The following PPP1CB variants were observed in gnomAD, a reference collection of about 807,000 sequenced individuals.
PPP1CB encodes protein phosphatase 1 catalytic subunit beta.
In PPP1CB, 2 loss-of-function variants were observed where a neutral mutation model predicts 43.7. The ratio of observed to expected loss-of-function variants is 0.05; its 90% CI spans 0.02 to 0.14. PPP1CB has a LOEUF of 0.14. Ranked by LOEUF, PPP1CB falls within the 10% of genes least tolerant of loss-of-function variation. The pLI is 1.00. For synonymous variants in PPP1CB, 136 were observed against 135.6 expected (o/e 1.00, Z -0.02); for missense variants, 84 against 398.0 (o/e 0.21, Z 6.71).
intron 1 of PPP1CB, among the ~76,000 whole-genome samples, chr2:28,754,225 G>A (rs190038406): frequency 4.0e-5 from 6 of 151,592 alleles, no homozygotes; most frequent in Admixed American, 2.6e-4. Flanking sequence ...TAAACTTCAC[G>A]AGTGGGTTGT....
intron 4 of PPP1CB, chr2:28,782,561 G>A (rs1013590196): frequency 3.9e-5 from 6 of 152,330 alleles, no homozygotes; most frequent in African/African-American, 1.4e-4. Context: ...GGGTTTTAGA[G>A]GATAAATAGG....
At chr2:28,763,606 G>A (rs1483682209) in intron 1 of PPP1CB, among the ~76,000 whole-genome samples, 1 of 152,090 alleles carries the variant, frequency 6.6e-6, no homozygotes, top group Non-Finnish European at 1.5e-5. Context: ...AAAGCCATGG[G>A]CCTTCTCAGA....
chr2:28,765,365 T>A (rs1666758759), intron 1 of PPP1CB, among the ~76,000 whole-genome samples: 1 of 152,230 alleles, frequency 6.6e-6, no homozygotes, highest in Non-Finnish European at 1.5e-5. Flanking sequence ...ATTCATCACT[T>A]GGAAAGCATT....
intron 1 of PPP1CB, among the ~76,000 whole-genome samples, chr2:28,771,046 C>T (rs1052369227): frequency 3.1e-5 from 3 of 96,028 alleles, no homozygotes; most frequent in African/African-American, 1.1e-4. Context: ...CTGCTCCCCC[C>T]CCCCCACCCT....
chr2:28,762,300 A>G (rs970708001), intron 1 of PPP1CB, among the ~76,000 whole-genome samples: 47 of 146,116 alleles, frequency 3.2e-4, no homozygotes, highest in Admixed American at 3.0e-3. Context: ...AAATAAATAA[A>G]TATCTGTTCT....
At position 28,769,318 on chromosome 2, in the gene PPP1CB, C is replaced by T. The variant is rs191463358; in HGVS notation, c.53-7533C>T. On this transcript the variant is annotated intron_variant, in intron 1 of 7. Coordinates refer to ENST00000395366, the MANE Select transcript of PPP1CB (RefSeq NM_002709.3). ...ATGGCGTGATCTTGGCTAACTGCAA[C>T]CTCTGCCTCCCGGGTTCAAGCGATT... Among the ~76,000 whole-genome samples, 20 of 152,248 alleles carry T rather than the reference C, an allele frequency of 1.3e-4. No homozygotes were observed. The East Asian group carries it at 3.5e-3, about 26-fold the overall frequency.
intron 3 of PPP1CB, 34 bp from the exon 4 acceptor site, chr2:28,781,704 A>G: frequency 6.9e-7 from 1 of 1,453,194 alleles, no homozygotes. Context: ...ACAGTTTTAG[A>G]TTTTTTAATT....
chr2:28,772,206 G>A (rs1666929495), intron 1 of PPP1CB, among the ~76,000 whole-genome samples: 1 of 152,082 alleles, frequency 6.6e-6, no homozygotes, highest in African/African-American at 2.4e-5. Context: ...TGCTCAGGAG[G>A]CAGGAGAATC....
chr2:28,752,743 A>G (rs1219497781), intron 1 of PPP1CB, among the ~76,000 whole-genome samples: 2 of 152,360 alleles, frequency 1.3e-5, no homozygotes, highest in Admixed American at 1.3e-4. Context: ...AGAGGATAAA[A>G]TTAGCGGGAA....
chr2:28,786,581 G>A (rs1217112741), intron 5 of PPP1CB, among the ~76,000 whole-genome samples: 1 of 151,460 alleles, frequency 6.6e-6, no homozygotes, highest in Non-Finnish European at 1.5e-5. Flanking sequence ...TCTTGAGATC[G>A]AGACCATCCT....
At chr2:28,775,796 G>C (rs1244907510) in intron 1 of PPP1CB, among the ~76,000 whole-genome samples, 6 of 152,186 alleles carry the variant, frequency 3.9e-5, no homozygotes, top group Non-Finnish European at 7.3e-5. Context: ...GTTGAGTTCA[G>C]TGGGGCAAAT....
intron 3 of PPP1CB, among the ~76,000 whole-genome samples, chr2:28,780,168 A>G (rs1667128830): frequency 7.1e-6 from 1 of 141,458 alleles, no homozygotes; most frequent in South Asian, 2.2e-4. Context: ...AGCTCACTGC[A>G]ACCTCCGCCT....
rs571463665 is a variant in PPP1CB, at chr2:28,766,051, C to T, written c.53-10800C>T. Among the ~76,000 whole-genome samples, 12 of 152,170 alleles carry T rather than the reference C, an allele frequency of 7.9e-5. No individual in the cohort carries two copies. In the South Asian group the frequency reaches 2.5e-3, roughly 32 times the overall value. ...ATTTATTAGAAAACATTTAGGGGAG[C>T]TTTCATTCTATTTTGTAGAATAGAG... On this transcript the variant is annotated intron_variant, in intron 1 of 7. Coordinates refer to ENST00000395366, the MANE Select transcript of PPP1CB (RefSeq NM_002709.3).
chr2:28,799,331 A>C lies in PPP1CB; in HGVS notation c.*28A>C, dbSNP rs752610648. 9.9e-6 allele frequency: 15 copies of C among 1,519,434 alleles called. No individual in the cohort carries two copies. Among genetic ancestry groups the C allele is most frequent in the African/African-American group, 2.8e-5 (2 of 72,698 alleles). 94.1% of individuals were successfully genotyped at this position (1,519,434 alleles called of 1,614,324 possible). ...AAAGGAATTCTGTAAAGAAACCATC[A>C]GATTTGTTAAGGACATACTTCATAA... On this transcript the variant is annotated 3_prime_UTR_variant, in exon 8 of 8. Transcript: ENST00000395366.
upstream of PPP1CB, chr2:28,751,793 G>C (rs1426870969): frequency 2.4e-6 from 1 of 416,096 alleles, no homozygotes; most frequent in Middle Eastern, 7.4e-4. Context: ...AGTGAGTGGC[G>C]CTGCGGGTGG....
chr2:28,779,583 A>G (rs1667108987), intron 3 of PPP1CB, among the ~76,000 whole-genome samples: 1 of 152,212 alleles, frequency 6.6e-6, no homozygotes, highest in African/African-American at 2.4e-5. Context: ...GTATGTTTCC[A>G]AGTGTTATTA....
chr2:28,762,248 G>A (rs1415884298), intron 1 of PPP1CB, among the ~76,000 whole-genome samples: 1 of 152,076 alleles, frequency 6.6e-6, no homozygotes, highest in Admixed American at 6.6e-5. Flanking sequence ...TTGCGCCACT[G>A]CACTCCAGCC....
chr2:28,789,593 ATTT>A (rs70956041), intron 6 of PPP1CB, among the ~76,000 whole-genome samples: 7 of 96,530 alleles, frequency 7.3e-5, no homozygotes, highest in Admixed American at 1.2e-4. Flanking sequence ...TATGATTTAG[ATTT>A]TTTTTTTTTT....
At chr2:28,788,882 G>A in intron 6 of PPP1CB, 73 bp downstream of exon 6, 1 of 1,404,108 alleles carries the variant, frequency 7.1e-7, no homozygotes, top group East Asian at 2.4e-5. Context: ...GGGGCAGACA[G>A]ATTCTTGTTC....
Sources: gnomAD v4.1 joint callset for allele counts (sites outside exome capture counted in the v4.1 genomes callset) on GRCh38, gnomAD v4.1.1 for gene constraint, MANE v1.5 for transcripts, NCBI Gene and HGNC (gene_info 2026-07-23, HGNC 2026-07-21) for gene names.